Variants in USP7 observed in about 807,000 individuals in gnomAD.
USP7 encodes the protein ubiquitin C-terminal hydrolase 7.
In USP7, 9 loss-of-function variants were observed where a neutral mutation model predicts 162.9. The observed-to-expected ratio is 0.06, with a 90% CI of 0.03 to 0.10. The LOEUF is 0.10. Ranked by LOEUF, USP7 falls within the 10% of genes least tolerant of loss-of-function variation. The probability of loss-of-function intolerance (pLI) is 1.00; values close to 1 mark genes in which losing one functional copy is unlikely to be tolerated. For synonymous variants in USP7, 562 were observed against 475.9 expected (o/e 1.18, Z -2.35); for missense variants, 715 against 1,373.7 (o/e 0.52, Z 7.58).
At chr16:8,905,421 C>T in intron 13 of USP7, 90 bp from the exon 14 acceptor site, 3 of 1,506,938 alleles carry the variant, frequency 2.0e-6, no homozygotes, top group Non-Finnish European at 2.7e-6. Context: ...AATGTGTGAA[C>T]TTCTAGGTAT....
At chr16:8,930,450 A>C in intron 1 of USP7, 53 bp from the exon 2 acceptor site, 3 of 1,292,222 alleles carry the variant, frequency 2.3e-6, no homozygotes, top group Non-Finnish European at 3.2e-6. Flanking sequence ...GCTTTAATAG[A>C]ATAAGCAAAA....
At position 8,930,367 on chromosome 16, in the gene USP7, G is replaced by C. The variant is rs146962536; in HGVS notation, c.110C>G (p.Thr37Ser). The change falls in exon 2 of 31, where the codon ACT becomes AGT. Residue 37 changes from threonine (T) to serine (S), a missense_variant. By Grantham distance (58) the Thr-to-Ser change is moderately conservative (BLOSUM62 1). Coordinates refer to ENST00000344836, the MANE Select transcript of USP7 (RefSeq NM_003470.3). Reference sequence around the variant, plus strand: ...ATTCCCATTGATCACAGGGTTCTGAGTAATTCTTGGTGGGTCATCTGTATC... The same window carrying C: ...ATTCCCATTGATCACAGGGTTCTGACTAATTCTTGGTGGGTCATCTGTATC... ...AGDTDDPPRI[T>S]QNPVINGNVA... 82 of 1,612,728 alleles carry C rather than the reference G, an allele frequency of 5.1e-5. No homozygotes were observed. The highest frequency in any genetic ancestry group is 6.1e-5 in the Non-Finnish European group (72 of 1,179,462).
intron 1 of USP7, among the ~76,000 whole-genome samples, chr16:8,943,817 C>T (rs771949960): frequency 6.6e-6 from 1 of 152,318 alleles, no homozygotes; most frequent in East Asian, 1.9e-4. Flanking sequence ...AGCATTCACG[C>T]TGGGGGATAA....
At chr16:8,906,941 ATATT>A in intron 12 of USP7, among the ~76,000 whole-genome samples, 2 of 152,380 alleles carry the variant, frequency 1.3e-5, no homozygotes, top group Admixed American at 1.3e-4. Flanking sequence ...CTTAGTTTTA[ATATT>A]CTACAGACAT....
At chr16:8,899,433 G>A (rs940583927) in intron 22 of USP7, 171 bp downstream of exon 22, 23 of 924,924 alleles carry the variant, frequency 2.5e-5, no homozygotes, top group African/African-American at 3.4e-5. Flanking sequence ...TTCTGATGGC[G>A]ATTATTCTAG....
At chr16:8,902,867 ACT>A (rs1322437336) in intron 16 of USP7, among the ~76,000 whole-genome samples, 2 of 151,954 alleles carry the variant, frequency 1.3e-5, no homozygotes, top group Non-Finnish European at 2.9e-5. Flanking sequence ...CAAGAGTGAA[ACT>A]CTGTCTCAAA....
chr16:8,921,110 C>T, intron 4 of USP7, 47 bp downstream of exon 4: 1 of 1,567,932 alleles, frequency 6.4e-7, no homozygotes, highest in Non-Finnish European at 8.7e-7. Flanking sequence ...AAGGGAACAA[C>T]AAGCAGTAAT....
rs568581031 is a variant in USP7, at chr16:8,912,859, T to A, written c.1079-2032A>T. 1.1e-4 allele frequency among the ~76,000 whole-genome samples: 16 copies of A among 150,210 alleles called. No individual in the cohort carries two copies. The South Asian group carries it at 2.4e-3, about 22-fold the overall frequency. On this transcript the variant is annotated intron_variant, in intron 10 of 30. Coordinates refer to ENST00000344836, the MANE Select transcript of USP7 (RefSeq NM_003470.3). ...TCAAACTTCTAAAAATAAAAAAAAA[T>A]TTAAAAAGTTTGAAAATGAAACACC...
chr16:8,916,569 A>G lies in USP7; in HGVS notation c.852-13T>C, dbSNP rs111561877. On this transcript the variant is annotated splice_polypyrimidine_tract_variant and intron_variant, in intron 7 of 30. Transcript: ENST00000344836. ...TAAAGTTTCCCACCTTTCAAAGATAAAACAAACAACTCCATTTAAAGCTCA... is the reference window on the plus strand; with the variant it reads ...TAAAGTTTCCCACCTTTCAAAGATAGAACAAACAACTCCATTTAAAGCTCA... 624 of 1,530,836 alleles carry G rather than the reference A, an allele frequency of 4.1e-4. 2 individuals carry two copies. In the African/African-American group the frequency reaches 8.3e-3, roughly 20 times the overall value. 94.8% of individuals were successfully genotyped at this position (1,530,836 alleles called of 1,614,324 possible).
chr16:8,893,206 C>G lies in USP7; in HGVS notation c.*792G>C, dbSNP rs531755844. ...CCCTCTTGCTAAAAGGCTTTCTTGT[C>G]GTCTGTTCCACTTTAACGAAATTCT... On this transcript the variant is annotated 3_prime_UTR_variant, in exon 31 of 31. Transcript: ENST00000344836. The G allele has an allele frequency of 6.6e-6, 1 of 152,234 alleles. No individual in the cohort carries two copies. The highest frequency in any genetic ancestry group is 1.5e-5 in the Non-Finnish European group (1 of 68,020). The allele number at this position is 152,234 out of a possible 1,614,324, so 9.4% of individuals were successfully genotyped here.
intron 4 of USP7, 121 bp downstream of exon 4, chr16:8,921,036 G>T: frequency 8.8e-7 from 1 of 1,135,742 alleles, no homozygotes. Flanking sequence ...AAAGACACTT[G>T]TCCAATTTAG....
At chr16:8,896,887 G>T in intron 26 of USP7, 112 bp downstream of exon 26, 2 of 816,112 alleles carry the variant, frequency 2.5e-6, no homozygotes, top group South Asian at 3.0e-5. Context: ...CTGAGTCTGG[G>T]AATGACGCGC....
rs79327950 is a variant in USP7, at chr16:8,945,887, A to G, written c.80-15490T>C. On this transcript the variant is annotated intron_variant, in intron 1 of 30. Transcript: ENST00000344836. ...GCAACATAGCGAGACCCCACTTCCA[A>G]AAAAAAAGTAAAAATTAAAAAAAAC... 3.8e-4 allele frequency among the ~76,000 whole-genome samples: 58 copies of G among 151,788 alleles called. No individual in the cohort carries two copies. The East Asian group carries it at 9.7e-3, about 25-fold the overall frequency.
At position 8,896,712 on chromosome 16, in the gene USP7, G is replaced by A. The variant is rs368786431; in HGVS notation, c.2819+287C>T. ...CTTTTTACTACAGCTAATGTTATCAGAAGATACAAGGGGAAGGAGGAAAAA... is the reference window on the plus strand; with the variant it reads ...CTTTTTACTACAGCTAATGTTATCAAAAGATACAAGGGGAAGGAGGAAAAA... On this transcript the variant is annotated intron_variant, in intron 26 of 30. Transcript: ENST00000344836. 4.6e-5 allele frequency among the ~76,000 whole-genome samples: 7 copies of A among 152,288 alleles called. No individual in the cohort carries two copies. In the East Asian group the frequency reaches 1.4e-3, roughly 29 times the overall value.
chr16:8,905,117 T>C (rs2061839427), intron 14 of USP7, 70 bp downstream of exon 14: 6 of 1,548,430 alleles, frequency 3.9e-6, no homozygotes, highest in East Asian at 4.5e-5. Flanking sequence ...GAAAAGGATA[T>C]TGGAGATTCA....
At chr16:8,908,116 G>A (rs1325700463) in intron 12 of USP7, among the ~76,000 whole-genome samples, 2 of 152,234 alleles carry the variant, frequency 1.3e-5, no homozygotes, top group African/African-American at 4.8e-5. Context: ...CTGGGACTGG[G>A]CAAAGCATCC....
intron 7 of USP7, 26 bp from the exon 8 acceptor site, chr16:8,916,582 C>A (rs1173032161): frequency 6.9e-7 from 1 of 1,449,630 alleles, no homozygotes; most frequent in Non-Finnish European, 9.0e-7. Context: ...CAAACAACTC[C>A]ATTTAAAGCT....
At chr16:8,909,967 G>A (rs1339009711) in intron 11 of USP7, among the ~76,000 whole-genome samples, 1 of 152,166 alleles carries the variant, frequency 6.6e-6, no homozygotes, top group East Asian at 1.9e-4. Flanking sequence ...CAGTCCCTCA[G>A]TCCAACTGGA....
chr16:8,899,503 T>C (rs1019589209), intron 22 of USP7, 101 bp downstream of exon 22: 6 of 1,481,586 alleles, frequency 4.0e-6, no homozygotes, highest in Admixed American at 3.9e-5. Flanking sequence ...TAGCCCCTTC[T>C]GAACCAAAAC....
Sources: allele counts gnomAD v4.1 joint callset (sites outside exome capture counted in the v4.1 genomes callset), GRCh38; gene constraint gnomAD v4.1.1; transcripts MANE v1.5; gene names NCBI Gene and HGNC (gene_info 2026-07-23, HGNC 2026-07-21).